GFRA4: variants seen among roughly 807,000 people sequenced by gnomAD.
GFRA4 encodes GDNF family receptor alpha 4.
In GFRA4, 31 loss-of-function variants were observed where a neutral mutation model predicts 28.5. That is an observed-to-expected ratio of 1.09 (90% CI 0.82 to 1.47). The LOEUF is 1.47. Ranked by LOEUF, GFRA4 falls within the 40% of genes most tolerant of loss-of-function variation. The probability of loss-of-function intolerance (pLI) is 0.00; values close to 1 mark genes in which losing one functional copy is unlikely to be tolerated. For synonymous variants in GFRA4, 188 were observed against 188.0 expected (o/e 1.00, Z 0.00); for missense variants, 389 against 413.2 (o/e 0.94, Z 0.51).
chr20:3,659,958 C>A lies in GFRA4; in HGVS notation c.761G>T (p.Arg254Leu). ...VSSTGRALER[R>L]SLLSILPVLA... ...GACAGGAAGTATGGAGAGCAGGGAG[C>A]GTCTCTCCAGGGCCCTGCCTGTGGA... is the stretch of plus-strand genomic sequence containing the variant. Residue 254 changes from arginine to leucine, a missense_variant, in exon 6 of 6, where the codon CGC becomes CTC. Coordinates refer to ENST00000290417, the MANE Select transcript of GFRA4 (RefSeq NM_022139.4). The A allele has an allele frequency of 6.3e-7, 1 of 1,594,394 alleles. No individual in the cohort carries two copies. The highest frequency in any genetic ancestry group is 1.1e-5 in the South Asian group (1 of 87,242).
At chr20:3,661,604 CG>C (rs958895478) in intron 1 of GFRA4, among the ~76,000 whole-genome samples, 15 of 152,276 alleles carry the variant, frequency 9.9e-5, no homozygotes, top group Admixed American at 7.2e-4. Context: ...CGTCCAAAGA[CG>C]GGTCCAGGGG....
At chr20:3,661,336 C>T in intron 1 of GFRA4, 47 bp from the exon 2 acceptor site, 1 of 1,380,760 alleles carries the variant, frequency 7.2e-7, no homozygotes, top group Non-Finnish European at 9.4e-7. Context: ...GCCCCGCATG[C>T]ACACTTCACC....
chr20:3,663,230 T>A, intron 1 of GFRA4, 124 bp downstream of exon 1: 1 of 1,196,134 alleles, frequency 8.4e-7, no homozygotes, highest in Non-Finnish European at 1.2e-6. Flanking sequence ...CGCACAGGCC[T>A]CTCACTGGCA....
chr20:3,661,345 C>T, intron 1 of GFRA4, 56 bp from the exon 2 acceptor site: 1 of 1,363,228 alleles, frequency 7.3e-7, no homozygotes, highest in Non-Finnish European at 9.4e-7. Context: ...GCACACTTCA[C>T]CCAGCCCATC....
At chr20:3,660,359 G>A (rs1386400392) in intron 4 of GFRA4, 110 bp from the exon 5 acceptor site, 1 of 1,088,454 alleles carries the variant, frequency 9.2e-7, no homozygotes, top group East Asian at 2.6e-5. Context: ...TCCTTGGACA[G>A]AAGGTGTGTG....
Position 3,661,005 on chromosome 20 carries a change from CG to C in GFRA4, c.330del (p.Gly111AlafsTer11). ...TFVPSCAFSG[P>X]GPAPPSCLEP... ...TCAAGGCAGGAGGGCGGCGCGGGGC[CG>C]GGCCCCGAAAAGGCGCAGGAGGGCA... On this transcript the variant is annotated frameshift_variant, in exon 2 of 6. Transcript: ENST00000290417. LOFTEE classifies it high-confidence loss of function. 2.0e-6 allele frequency: 3 copies of C among 1,464,152 alleles called. No homozygotes were observed. Among genetic ancestry groups the C allele is most frequent in the Non-Finnish European group, 2.7e-6 (3 of 1,115,534 alleles). 90.7% of individuals were successfully genotyped at this position (1,464,152 alleles called of 1,614,324 possible).
At position 3,660,937 on chromosome 20, in the gene GFRA4, C is replaced by G; in HGVS notation, c.392+7G>C. The G allele has an allele frequency of 7.2e-7, 1 of 1,385,914 alleles. No homozygotes were observed. 85.9% of individuals were successfully genotyped at this position (1,385,914 alleles called of 1,614,324 possible). On this transcript the variant is annotated splice_region_variant and intron_variant, in intron 2 of 5. Transcript: ENST00000290417. ...CTCGCCACGGCCCCGCCGCCGCCCG[C>G]GCGCACCTGCAGACCCGGCTGCGCT...
At position 3,660,781 on chromosome 20, in the gene GFRA4, C is replaced by A; in HGVS notation, c.476G>T (p.Cys159Phe). The A allele has an allele frequency of 4.9e-6, 7 of 1,414,174 alleles. No individual in the cohort carries two copies. The highest frequency in any genetic ancestry group is 6.4e-6 in the Non-Finnish European group (7 of 1,094,330). The allele number at this position is 1,414,174 out of a possible 1,614,324, so 87.6% of individuals were successfully genotyped here. Residue 159 changes from cysteine to phenylalanine, a missense_variant, in exon 3 of 6, where the codon TGC becomes TTC. Physicochemically the swap from Cys to Phe is radical, Grantham distance 205. Transcript: ENST00000290417. The part of the protein sequence containing the change: ...DGCLLDQGAR[C>F]LRAYAGLVGT... ...CACGAGGCCCGCGTAGGCGCGCAGG[C>A]AGCGGGCGCCCTGGTCCAGCAGGCA...
In GFRA4 at chr20:3,661,114, G is replaced by A. The variant is rs1451322750; in HGVS notation, c.222C>T (p.Arg74=). ...CRRALRRFFA[R]GPPALTHALL... is the part of the protein sequence containing the mutation. ...GTGCGTGGGTGAGCGCGGGCGGCCC[G>A]CGGGCGAAGAAGCGGCGCAGGGCCC... The change falls in exon 2 of 6, where the codon CGC becomes CGT. Residue 74 remains arginine (R), a synonymous_variant. Coordinates refer to ENST00000290417, the MANE Select transcript of GFRA4 (RefSeq NM_022139.4). The A allele has an allele frequency of 1.2e-5, 16 of 1,310,022 alleles. No homozygotes were observed. Among genetic ancestry groups the A allele is most frequent in the African/African-American group, 1.6e-5 (1 of 64,374 alleles). 81.1% of individuals were successfully genotyped at this position (1,310,022 alleles called of 1,614,324 possible).
chr20:3,662,474 G>C lies in GFRA4; in HGVS notation c.46+880C>G, dbSNP rs1245720206. On this transcript the variant is annotated intron_variant, in intron 1 of 5. Transcript: ENST00000290417. Reference sequence around the variant, plus strand: ...TGTGTGTTTGTGCACAGGGGCTACGGGGTGGTATCCCCCCCCCAGGGCTGG... The same window carrying C: ...TGTGTGTTTGTGCACAGGGGCTACGCGGTGGTATCCCCCCCCCAGGGCTGG... Among the ~76,000 whole-genome samples, 5 of 55,592 alleles carry C rather than the reference G, an allele frequency of 9.0e-5. No homozygotes were observed. The East Asian group carries it at 1.8e-3, about 20-fold the overall frequency. The allele number at this position is 55,592 out of a possible 152,430, so 36.5% of individuals were successfully genotyped here.
Position 3,659,723 on chromosome 20 carries a change from C to A in GFRA4, c.*186G>T. 1.6e-6 allele frequency: 1 copy of A among 609,228 alleles called. No individual in the cohort carries two copies. The highest frequency in any genetic ancestry group is 2.0e-5 in the South Asian group (1 of 50,946). The allele number at this position is 609,228 out of a possible 1,614,324, so 37.7% of individuals were successfully genotyped here. ...CGGGGGCTTTACAGTCAGGCCCCAG[C>A]CTACATCCCTTGCCCCAGGGGACGG... On this transcript the variant is annotated 3_prime_UTR_variant, in exon 6 of 6. Coordinates refer to ENST00000290417, the MANE Select transcript of GFRA4 (RefSeq NM_022139.4).
At position 3,660,593 on chromosome 20, in the gene GFRA4, T is replaced by A; in HGVS notation, c.570A>T (p.Gly190=). ...SARVAPWCDC[G]ASGNRREDCE... ...AGTCCTCACGCCGGTTCCCGCTGGC[T>A]CCGCAGTCGCACCAGGGCGCCACGC... Residue 190 remains glycine (G), a synonymous_variant, in exon 4 of 6, where the codon GGA becomes GGT. Coordinates refer to ENST00000290417, the MANE Select transcript of GFRA4 (RefSeq NM_022139.4). 2 of 1,550,240 alleles carry A rather than the reference T, an allele frequency of 1.3e-6. No individual in the cohort carries two copies. The highest frequency in any genetic ancestry group is 1.7e-6 in the Non-Finnish European group (2 of 1,147,276).
At position 3,660,852 on chromosome 20, in the gene GFRA4, CAGG is replaced by C; in HGVS notation, c.402_404del (p.Leu135del). On this transcript the variant is annotated inframe_deletion, in exon 3 of 6. Coordinates refer to ENST00000290417, the MANE Select transcript of GFRA4 (RefSeq NM_022139.4). Reference sequence around the variant, plus strand: ...CTGGGGTGCACGAGACCTGAAAGGCCAGGAGGCGAGGCCTGCGCGGCGGGAGGG... The same window carrying C: ...CTGGGGTGCACGAGACCTGAAAGGCCAGGCGAGGCCTGCGCGGCGGGAGGG... 7.0e-7 allele frequency: 1 copy of C among 1,425,416 alleles called. No homozygotes were observed. The highest frequency in any genetic ancestry group is 9.1e-7 in the Non-Finnish European group (1 of 1,100,572). 88.3% of individuals were successfully genotyped at this position (1,425,416 alleles called of 1,614,324 possible).
At chr20:3,663,235 C>A in intron 1 of GFRA4, 119 bp downstream of exon 1, 1 of 1,278,066 alleles carries the variant, frequency 7.8e-7, no homozygotes, top group Non-Finnish European at 1.1e-6. Flanking sequence ...AGGCCTCTCA[C>A]TGGCAACCCT....
chr20:3,663,324 C>A, intron 1 of GFRA4, 30 bp downstream of exon 1: 1 of 1,604,308 alleles, frequency 6.2e-7, no homozygotes, highest in South Asian at 1.1e-5. Context: ...GGCCAGGGTT[C>A]GGGGTCCAGG....
chr20:3,659,350 G>A lies in GFRA4; in HGVS notation c.*559C>T, dbSNP rs2087192419. On this transcript the variant is annotated 3_prime_UTR_variant, in exon 6 of 6. Coordinates refer to ENST00000290417, the MANE Select transcript of GFRA4 (RefSeq NM_022139.4). Reference sequence around the variant, plus strand: ...CAGGGCCAATGCCAGGCAGGGCACAGGGTGGGGCCCCTCAAGCAGCATATG... The same window carrying A: ...CAGGGCCAATGCCAGGCAGGGCACAAGGTGGGGCCCCTCAAGCAGCATATG... 6.3e-6 allele frequency: 1 copy of A among 158,042 alleles called. No homozygotes were observed. Among genetic ancestry groups the A allele is most frequent in the African/African-American group, 2.4e-5 (1 of 41,478 alleles). 9.8% of individuals were successfully genotyped at this position (158,042 alleles called of 1,614,324 possible).
rs1232986827 is a variant in GFRA4 at position 3,661,057 on chromosome 20, G to A, written c.279C>T (p.Cys93=). The A allele has an allele frequency of 1.2e-4, 167 of 1,449,678 alleles. No homozygotes were observed. Among genetic ancestry groups the A allele is most frequent in the Non-Finnish European group, 1.4e-4 (159 of 1,108,476 alleles). 89.8% of individuals were successfully genotyped at this position (1,449,678 alleles called of 1,614,324 possible). A position where few individuals can be genotyped will look rare whatever the true frequency, so the allele number is the denominator to read the frequency against. The change falls in exon 2 of 6, where the codon TGC becomes TGT. Residue 93 remains cysteine (C), a synonymous_variant. Transcript: ENST00000290417. The stretch of plus-strand genomic sequence containing the variant: ...CGAAGGTCTGGCGCCGACGCTCGGC[G>A]CACGCGGGGCCCGCGCACGGGCAGA... The part of the protein sequence containing the change: ...LLFCPCAGPA[C]AERRRQTFVP...
rs928893853 is a variant in GFRA4, at chr20:3,661,191, G to A, written c.145C>T (p.Gln49Ter). The A allele has an allele frequency of 6.7e-7, 1 of 1,490,596 alleles. No individual in the cohort carries two copies. Among genetic ancestry groups the A allele is most frequent in the Non-Finnish European group, 8.9e-7 (1 of 1,127,190 alleles). The allele number at this position is 1,490,596 out of a possible 1,614,324, so 92.3% of individuals were successfully genotyped here. ...CQRLRSEYVA[Q>*]CLGRAAQGGC... ...CCCTGCGCAGCCCGGCCCAGGCACT[G>A]CGCCACATACTCGGAGCGCAAACGC... Residue 49 changes from glutamine to a stop codon, truncating the protein, a stop_gained, in exon 2 of 6, where the codon CAG (glutamine) becomes TAG (stop). Coordinates refer to ENST00000290417, the MANE Select transcript of GFRA4 (RefSeq NM_022139.4). LOFTEE classifies it high-confidence loss of function.
chr20:3,662,769 G>A (rs1249772326), intron 1 of GFRA4, among the ~76,000 whole-genome samples: 2 of 152,158 alleles, frequency 1.3e-5, no homozygotes, highest in African/African-American at 4.8e-5. Context: ...AGCACCTGAT[G>A]TTGCCTAAGG....
Sources: allele counts gnomAD v4.1 joint callset (sites outside exome capture counted in the v4.1 genomes callset), GRCh38; gene constraint gnomAD v4.1.1; transcripts MANE v1.5; gene names NCBI Gene and HGNC (gene_info 2026-07-23, HGNC 2026-07-21).